The following ADGRL3 variants were observed in gnomAD, a reference collection of about 807,000 sequenced individuals.
ADGRL3 encodes adhesion G protein-coupled receptor L3.
Under a neutral mutation model 153.5 loss-of-function variants are expected in ADGRL3, and 62 were observed. The observed-to-expected ratio is 0.40, with a 90% CI of 0.33 to 0.50. The LOEUF is 0.50. Among genes scored for constraint, ADGRL3 ranks in the 20% least tolerant of loss-of-function variants. The pLI, the probability that ADGRL3 is intolerant of heterozygous loss-of-function variation, is 0.47. For synonymous variants in ADGRL3, 710 were observed against 672.5 expected (o/e 1.06, Z -0.86); for missense variants, 1,641 against 1,859.4 (o/e 0.88, Z 2.16).
chr4:61,793,599 T>C (rs2097371063), intron 8 of ADGRL3, among the ~76,000 whole-genome samples: 4 of 152,054 alleles, frequency 2.6e-5, no homozygotes, highest in Admixed American at 2.6e-4. Flanking sequence ...AGCCAAACCA[T>C]GTCAGGCTCC....
At chr4:61,699,979 C>CAGAG (rs899903823) in intron 6 of ADGRL3, among the ~76,000 whole-genome samples, 2 of 145,942 alleles carry the variant, frequency 1.4e-5, no homozygotes, top group African/African-American at 5.0e-5. Context: ...AAAACACACA[C>CAGAG]AGAGAGAGAG....
intron 9 of ADGRL3, among the ~76,000 whole-genome samples, chr4:61,835,458 T>C (rs1419054106): frequency 6.7e-6 from 1 of 149,430 alleles, no homozygotes; most frequent in African/African-American, 2.5e-5. Context: ...GCCTTTTAAA[T>C]ATTCCTGTAA....
At chr4:61,388,937 T>G (rs566893871) in intron 2 of ADGRL3, among the ~76,000 whole-genome samples, 1 of 152,346 alleles carries the variant, frequency 6.6e-6, no homozygotes, top group African/African-American at 2.4e-5. Flanking sequence ...TCCTGCCTTA[T>G]TTTTTCTCCA....
intron 13 of ADGRL3, among the ~76,000 whole-genome samples, chr4:61,921,501 C>T (rs752520612): frequency 1.7e-4 from 26 of 152,130 alleles, no homozygotes; most frequent in Non-Finnish European, 3.5e-4. Flanking sequence ...TCACTGCAAC[C>T]TCTGCCTCCC....
At chr4:61,903,120 G>A (rs1227382970) in intron 11 of ADGRL3, among the ~76,000 whole-genome samples, 2 of 152,150 alleles carry the variant, frequency 1.3e-5, no homozygotes, top group African/African-American at 4.8e-5. Flanking sequence ...TATAAAAAAT[G>A]TTTTTTCTTC....
chr4:61,804,062 A>G (rs2097528776), intron 8 of ADGRL3, among the ~76,000 whole-genome samples: 2 of 152,210 alleles, frequency 1.3e-5, no homozygotes, highest in Admixed American at 1.3e-4. Flanking sequence ...TCAAAATTTC[A>G]CTATAGGAAG....
At chr4:61,703,394 A>T (rs1561091301) in intron 6 of ADGRL3, among the ~76,000 whole-genome samples, 1 of 152,118 alleles carries the variant, frequency 6.6e-6, no homozygotes, top group Non-Finnish European at 1.5e-5. Context: ...ATTTTGAGTA[A>T]AAACAAAAGT....
At chr4:61,673,225 C>G (rs1201641244) in intron 5 of ADGRL3, among the ~76,000 whole-genome samples, 1 of 151,788 alleles carries the variant, frequency 6.6e-6, no homozygotes, top group Non-Finnish European at 1.5e-5. Context: ...GGCAAAGTTT[C>G]AGTAATGCAG....
intron 5 of ADGRL3, among the ~76,000 whole-genome samples, chr4:61,593,804 G>T (rs1372519942): frequency 1.3e-5 from 2 of 151,936 alleles, no homozygotes; most frequent in Non-Finnish European, 2.9e-5. Context: ...AGTTATATCT[G>T]CCTGCTGTTC....
At chr4:61,357,046 A>T (rs1423445951) in intron 1 of ADGRL3, among the ~76,000 whole-genome samples, 1 of 152,062 alleles carries the variant, frequency 6.6e-6, no homozygotes, top group Non-Finnish European at 1.5e-5. Context: ...AGTCCATTAA[A>T]GTGTCATTAA....
intron 11 of ADGRL3, among the ~76,000 whole-genome samples, chr4:61,896,862 T>G (rs1376308): frequency 0.05 from 7,661 of 152,254 alleles, 307 homozygotes; most frequent in East Asian, 0.18. Flanking sequence ...TAACTCTTGC[T>G]GGATGTGATC....
At chr4:61,632,225 A>G (rs182628237) in intron 5 of ADGRL3, among the ~76,000 whole-genome samples, 89 of 152,296 alleles carry the variant, frequency 5.8e-4, no homozygotes, top group Non-Finnish European at 1.1e-3. Flanking sequence ...ACCTAAAAAA[A>G]CATTTATTTT....
chr4:61,692,004 G>A (rs1212136823), intron 6 of ADGRL3, among the ~76,000 whole-genome samples: 7 of 152,112 alleles, frequency 4.6e-5, no homozygotes, highest in Admixed American at 4.6e-4. Context: ...AATTGATTGA[G>A]AAAGAATATT....
At position 62,031,484 on chromosome 4, in the gene ADGRL3, A is replaced by C; in HGVS notation, c.3465A>C (p.Gly1155=). Residue 1155 remains glycine (G), a synonymous_variant, in exon 23 of 27, where the codon GGA becomes GGC. Coordinates refer to ENST00000683033, the MANE Select transcript of ADGRL3 (RefSeq NM_001387552.1). ...CAATAGCTCTTCTCTGCCTATTAGG[A>C]TTGACCTGGGCCTTTGGACTCATGT... ...IGAIALLCLL[G]LTWAFGLMYI... The C allele has an allele frequency of 6.2e-7, 1 of 1,610,826 alleles. No homozygotes were observed. Among genetic ancestry groups the C allele is most frequent in the Non-Finnish European group, 8.5e-7 (1 of 1,177,752 alleles).
At chr4:61,698,501 A>G (rs2095685990) in intron 6 of ADGRL3, among the ~76,000 whole-genome samples, 1 of 152,110 alleles carries the variant, frequency 6.6e-6, no homozygotes, top group Non-Finnish European at 1.5e-5. Flanking sequence ...AAAAATACTT[A>G]TTGAGCTAGC....
chr4:61,980,834 G>A (rs904434640), intron 18 of ADGRL3, among the ~76,000 whole-genome samples: 3 of 152,000 alleles, frequency 2.0e-5, no homozygotes, highest in African/African-American at 7.3e-5. Flanking sequence ...ATAATATCCC[G>A]TTGTCTGATG....
Position 61,392,708 on chromosome 4 carries a change from A to AAAAAAAAAAT in ADGRL3, c.-174+9523_-174+9524insAAAAATAAAA, listed in dbSNP as rs1560565678. On this transcript the variant is annotated intron_variant, in intron 2 of 26. Coordinates refer to ENST00000683033, the MANE Select transcript of ADGRL3 (RefSeq NM_001387552.1). ...TCAAAAAAAAAAAAAAAAAAAAAAG[A>AAAAAAAAAAT]AAAAGGAAAATAAAGAAAGAGAGAA... Among the ~76,000 whole-genome samples the AAAAAAAAAAT allele has an allele frequency of 2.3e-4, 21 of 92,698 alleles. 3 individuals carry two copies. Among genetic ancestry groups the AAAAAAAAAAT allele is most frequent in the Admixed American group, 7.0e-4 (4 of 5,736 alleles). 60.8% of individuals were successfully genotyped at this position (92,698 alleles called of 152,430 possible).
At chr4:61,745,563 T>G (rs1580580415) in intron 8 of ADGRL3, among the ~76,000 whole-genome samples, 1 of 152,256 alleles carries the variant, frequency 6.6e-6, no homozygotes, top group Non-Finnish European at 1.5e-5. Flanking sequence ...TTCAACATTC[T>G]TAAAGAAAAG....
At chr4:61,672,994 T>C (rs1402857771) in intron 5 of ADGRL3, among the ~76,000 whole-genome samples, 1 of 151,974 alleles carries the variant, frequency 6.6e-6, no homozygotes, top group African/African-American at 2.4e-5. Flanking sequence ...GGAATATTAT[T>C]CAGCCTTAAA....
Sources: allele counts gnomAD v4.1 joint callset (sites outside exome capture counted in the v4.1 genomes callset), GRCh38; gene constraint gnomAD v4.1.1; transcripts MANE v1.5; gene names NCBI Gene and HGNC (gene_info 2026-07-23, HGNC 2026-07-21).